PLA2G5: variants seen among roughly 807,000 people sequenced by gnomAD.
PLA2G5 encodes phospholipase A2 group V.
In PLA2G5, 12 loss-of-function variants were observed where a neutral mutation model predicts 15.9. That is an observed-to-expected ratio of 0.76 (90% confidence interval 0.48 to 1.23). The LOEUF (loss-of-function observed/expected upper bound fraction) is 1.23, where lower values mean the gene tolerates loss of function less well. Among genes scored for constraint, PLA2G5 ranks in the 50% most tolerant of loss-of-function variants. The probability of loss-of-function intolerance (pLI) is 0.00; values close to 1 mark genes in which losing one functional copy is unlikely to be tolerated. For missense variants in PLA2G5, 169 were observed against 177.1 expected (o/e 0.95, Z 0.26); for synonymous variants, 71 against 71.4 (o/e 0.99, Z 0.03).
chr1:20,078,965 G>A (rs1329759454), intron 1 of PLA2G5, among the ~76,000 whole-genome samples: 1 of 151,910 alleles, frequency 6.6e-6, no homozygotes, highest in African/African-American at 2.4e-5. Flanking sequence ...AAAGAAATTA[G>A]CCAGGCATGG....
At chr1:20,061,484 G>A (rs894172715) in intron 2 of PLA2G5, among the ~76,000 whole-genome samples, 30 of 151,612 alleles carry the variant, frequency 2.0e-4, no homozygotes, top group African/African-American at 7.0e-4. Context: ...TACTCAGGAG[G>A]CTGAGGTGGG....
chr1:20,057,403 G>T (rs2014492511), intron 1 of PLA2G5, among the ~76,000 whole-genome samples: 2 of 150,734 alleles, frequency 1.3e-5, no homozygotes, highest in African/African-American at 2.4e-5. Context: ...ATTTTTTGGG[G>T]GGTAATTTCT....
intron 1 of PLA2G5, among the ~76,000 whole-genome samples, chr1:20,052,187 A>AC (rs1188426118): frequency 1.3e-5 from 2 of 151,858 alleles, no homozygotes; most frequent in African/African-American, 4.8e-5. Flanking sequence ...AAAAAAAAAA[A>AC]AAAAAAAATG....
chr1:20,068,624 T>C (rs2015177978), upstream of PLA2G5, among the ~76,000 whole-genome samples: 1 of 152,030 alleles, frequency 6.6e-6, no homozygotes, highest in Non-Finnish European at 1.5e-5. Context: ...GCTAATTTTA[T>C]ATTTTTAGTA....
At chr1:20,049,814 A>G (rs570171482) in intron 1 of PLA2G5, among the ~76,000 whole-genome samples, 34 of 152,302 alleles carry the variant, frequency 2.2e-4, no homozygotes, top group African/African-American at 7.7e-4. Context: ...ATACAAACCC[A>G]AAGTTCAACT....
intron 1 of PLA2G5, among the ~76,000 whole-genome samples, chr1:20,049,927 C>A (rs2014099864): frequency 6.6e-6 from 1 of 152,132 alleles, no homozygotes; most frequent in Admixed American, 6.5e-5. Flanking sequence ...GTTTTTTCCT[C>A]AAGTTTTATT....
At chr1:20,034,055 G>T (rs936491520) in intron 1 of PLA2G5, among the ~76,000 whole-genome samples, 4 of 152,168 alleles carry the variant, frequency 2.6e-5, no homozygotes, top group Non-Finnish European at 5.9e-5. Flanking sequence ...AGTGACCTGG[G>T]TTTGGGCTAC....
At chr1:20,039,378 C>T (rs149020487) in intron 1 of PLA2G5, among the ~76,000 whole-genome samples, 7 of 152,178 alleles carry the variant, frequency 4.6e-5, no homozygotes, top group African/African-American at 1.7e-4. Context: ...TTCAAGCTTC[C>T]AAAAGCAATG....
In PLA2G5 at chr1:20,070,355, T is replaced by C; in HGVS notation, c.-121T>C. 1 of 985,492 alleles carries C rather than the reference T, an allele frequency of 1.0e-6. No individual in the cohort carries two copies. Among genetic ancestry groups the C allele is most frequent in the Non-Finnish European group, 1.2e-6 (1 of 829,962 alleles). 61.0% of individuals were successfully genotyped at this position (985,492 alleles called of 1,614,324 possible). A position where few individuals can be genotyped will look rare whatever the true frequency, so the allele number is the denominator to read the frequency against. ...CGGATCCATGGTCTGTGGATACCAA[T>C]GTTCCGACTGGAGACGGGGAGCCCG... On this transcript the variant is annotated 5_prime_UTR_variant, in exon 1 of 5. An upstream start codon of the reference 5' UTR is lost. Transcript: ENST00000375108.
intron 1 of PLA2G5, 118 bp downstream of exon 1, chr1:20,070,583 C>A (rs934833165): frequency 2.1e-6 from 1 of 468,692 alleles, no homozygotes; most frequent in Non-Finnish European, 2.8e-6. Flanking sequence ...GGGAGGTGCG[C>A]AGGCACAGCC....
At chr1:20,056,035 T>G (rs2014413637) in intron 1 of PLA2G5, among the ~76,000 whole-genome samples, 1 of 152,202 alleles carries the variant, frequency 6.6e-6, no homozygotes. Context: ...TCCTGGTATC[T>G]GTCCCTAAAT....
chr1:20,086,256 G>T (rs775345469), intron 3 of PLA2G5, 29 bp downstream of exon 3: 3 of 1,610,832 alleles, frequency 1.9e-6, no homozygotes, highest in Non-Finnish European at 2.5e-6. Context: ...CTGCCCTTTA[G>T]GCTCCAGGCT....
At chr1:20,064,472 G>T (rs1418996671) in intron 2 of PLA2G5, among the ~76,000 whole-genome samples, 16 of 152,084 alleles carry the variant, frequency 1.1e-4, no homozygotes, top group African/African-American at 3.9e-4. Flanking sequence ...CTACATGGGA[G>T]GCTGAGGTGG....
intron 1 of PLA2G5, among the ~76,000 whole-genome samples, chr1:20,058,551 G>A (rs1279497977): frequency 6.6e-6 from 1 of 152,088 alleles, no homozygotes; most frequent in African/African-American, 2.4e-5. Flanking sequence ...CAACATGCCT[G>A]GTCTCTTTTG....
chr1:20,070,747 G>A (rs656110), intron 1 of PLA2G5: 85,504 of 152,226 alleles, frequency 0.56, 24,128 homozygotes, highest in Middle Eastern at 0.71. Flanking sequence ...ACCAGGGAGA[G>A]TTATGAACAG....
upstream of PLA2G5, among the ~76,000 whole-genome samples, chr1:20,068,620 T>C (rs1322207718): frequency 1.3e-5 from 2 of 151,904 alleles, no homozygotes; most frequent in Non-Finnish European, 2.9e-5. Flanking sequence ...CCTGGCTAAT[T>C]TTATATTTTT....
chr1:20,058,731 C>T (rs2014560022), intron 1 of PLA2G5, among the ~76,000 whole-genome samples: 1 of 152,178 alleles, frequency 6.6e-6, no homozygotes, highest in Non-Finnish European at 1.5e-5. Context: ...CCAGCAGCAG[C>T]TTCTCGATTT....
chr1:20,045,876 C>T (rs540944503), intron 1 of PLA2G5, among the ~76,000 whole-genome samples: 2 of 152,296 alleles, frequency 1.3e-5, no homozygotes, highest in Non-Finnish European at 2.9e-5. Flanking sequence ...CACACGGATG[C>T]GTGTGACACA....
At position 20,070,365 on chromosome 1, in the gene PLA2G5, G is replaced by A; in HGVS notation, c.-111G>A. On this transcript the variant is annotated 5_prime_UTR_variant, in exon 1 of 5. The change creates a premature stop within an existing upstream ORF in the 5' untranslated region. Transcript: ENST00000375108. Reference sequence around the variant, plus strand: ...GTCTGTGGATACCAATGTTCCGACTGGAGACGGGGAGCCCGCGAGACCCGG... The same window carrying A: ...GTCTGTGGATACCAATGTTCCGACTAGAGACGGGGAGCCCGCGAGACCCGG... 11 of 985,482 alleles carry A rather than the reference G, an allele frequency of 1.1e-5. No individual in the cohort carries two copies. The highest frequency in any genetic ancestry group is 1.3e-5 in the Non-Finnish European group (11 of 829,940). The allele number at this position is 985,482 out of a possible 1,614,324, so 61.0% of individuals were successfully genotyped here. A position where few individuals can be genotyped will look rare whatever the true frequency, so the allele number is the denominator to read the frequency against.
Sources: gnomAD v4.1 joint callset for allele counts (sites outside exome capture counted in the v4.1 genomes callset) on GRCh38, gnomAD v4.1.1 for gene constraint, MANE v1.5 for transcripts, NCBI Gene and HGNC (gene_info 2026-07-23, HGNC 2026-07-21) for gene names.